Variants in PGBD5 observed in about 807,000 individuals in gnomAD.
PGBD5 encodes piggyBac transposable element derived 5, also known as piggyBac transposable element-derived protein 5.
PGBD5 carries 14 observed loss-of-function variants against 47.9 expected under a neutral mutation model. The observed-to-expected ratio is 0.29, with a 90% CI of 0.19 to 0.46. PGBD5 has a LOEUF of 0.46. PGBD5 is among the 20% of genes least tolerant of loss of function. PGBD5 has a pLI of 1.00. For missense variants in PGBD5, 635 were observed against 716.0 expected, an observed-to-expected ratio of 0.89 and a Z score of 1.29; for synonymous variants, 316 against 306.3, an observed-to-expected ratio of 1.03 and a Z score of -0.33.
chr1:230,412,219 A>G (rs1298563654), intron 1 of PGBD5, among the ~76,000 whole-genome samples: 1 of 152,220 alleles, frequency 6.6e-6, no homozygotes, highest in Non-Finnish European at 1.5e-5. Flanking sequence ...CCCTTGAACA[A>G]TGCAGGGGTT....
At chr1:230,382,072 G>C (rs1656515203) in intron 1 of PGBD5, among the ~76,000 whole-genome samples, 1 of 148,042 alleles carries the variant, frequency 6.8e-6, no homozygotes, top group Non-Finnish European at 1.5e-5. Context: ...TTGGACGTTA[G>C]TACTGTAAGC....
At chr1:230,393,233 G>A (rs1656834560) in intron 1 of PGBD5, among the ~76,000 whole-genome samples, 1 of 145,900 alleles carries the variant, frequency 6.9e-6, no homozygotes, top group African/African-American at 2.5e-5. Context: ...AGGAGAGGAG[G>A]AGGAAGGAAG....
chr1:230,361,848 C>T (rs1386409914), intron 1 of PGBD5, among the ~76,000 whole-genome samples: 1 of 152,198 alleles, frequency 6.6e-6, no homozygotes, highest in African/African-American at 2.4e-5. Flanking sequence ...CAAACCCAGG[C>T]CTCAGGGTAG....
chr1:230,323,533 C>T lies in PGBD5; in HGVS notation c.1467G>A (p.Leu489=), dbSNP rs373855701. The change falls in exon 7 of 7, where the codon CTG becomes CTA. Residue 489 remains leucine, a synonymous_variant. Coordinates refer to ENST00000391860, the MANE Select transcript of PGBD5 (RefSeq NM_001258311.2). This position sits in a 1 kb window ranked among gnomAD's most constrained non-coding sequence, Gnocchi z 4.1. ...ISIAINNAYI[L]YKMSDAYHVK... ...CGTGGTAGGCGTCTGACATTTTGTA[C>T]AGGATGTAGGCATTGTTGATGGCGA... 2 of 1,614,178 alleles carry T rather than the reference C, an allele frequency of 1.2e-6. No homozygotes were observed. Among genetic ancestry groups the T allele is most frequent in the South Asian group, 1.1e-5 (1 of 91,078 alleles).
chr1:230,325,575 C>A (rs1667102998), intron 5 of PGBD5, among the ~76,000 whole-genome samples, 160 bp from the exon 6 acceptor site: 1 of 152,138 alleles, frequency 6.6e-6, no homozygotes, highest in Non-Finnish European at 1.5e-5. Context: ...CAGCACCAAC[C>A]ACCAGGTGCT....
rs1424172298 is a variant in PGBD5 at position 230,315,989 on chromosome 1, C to T, written c.*7436G>A. On this transcript the variant is annotated 3_prime_UTR_variant, in exon 7 of 7. Coordinates refer to ENST00000391860, the MANE Select transcript of PGBD5 (RefSeq NM_001258311.2). ...GTGTACACATATATGTATGTGTATA[C>T]ATACATAAGTATATGTGTACACATA... is the stretch of plus-strand genomic sequence containing the variant. 12 of 136,180 alleles carry T rather than the reference C, an allele frequency of 8.8e-5. 2 individuals carry two copies. Among genetic ancestry groups the T allele is most frequent in the African/African-American group, 3.2e-4 (12 of 37,238 alleles). 8.4% of individuals were successfully genotyped at this position (136,180 alleles called of 1,614,324 possible).
intron 2 of PGBD5, among the ~76,000 whole-genome samples, chr1:230,353,809 G>A (rs1309598530): frequency 6.6e-6 from 1 of 152,208 alleles, no homozygotes; most frequent in African/African-American, 2.4e-5. Flanking sequence ...ATGTTCCAGG[G>A]TCCAACAGGG....
chr1:230,417,686 C>G (rs564896436), intron 1 of PGBD5, among the ~76,000 whole-genome samples: 65 of 152,310 alleles, frequency 4.3e-4, no homozygotes, highest in African/African-American at 1.4e-3. Context: ...TTCTCCAACC[C>G]AGCTGGAGGA....
intron 2 of PGBD5, among the ~76,000 whole-genome samples, chr1:230,355,242 C>T (rs11122497): frequency 0.07 from 10,687 of 152,264 alleles, 1,251 homozygotes; most frequent in African/African-American, 0.24. Context: ...AGCAATGCTG[C>T]TGGGCCTCCC....
At position 230,335,778 on chromosome 1, in the gene PGBD5, C is replaced by CACACACAG. The variant is rs1553282077; in HGVS notation, c.1075+1329_1075+1330insCTGTGTGT. ...ACAGATACACAGATACAGACAGACA[C>CACACACAG]ACACACACACACAGGCACAAAGACA... On this transcript the variant is annotated intron_variant, in intron 4 of 6. Coordinates refer to ENST00000391860, the MANE Select transcript of PGBD5 (RefSeq NM_001258311.2). Among the ~76,000 whole-genome samples the CACACACAG allele has an allele frequency of 4.8e-5, 5 of 103,166 alleles. 1 individual carries two copies. Among genetic ancestry groups the CACACACAG allele is most frequent in the South Asian group, 4.2e-4 (1 of 2,390 alleles). The allele number at this position is 103,166 out of a possible 152,430, so 67.7% of individuals were successfully genotyped here.
At chr1:230,421,758 T>C (rs1362860289) in intron 1 of PGBD5, among the ~76,000 whole-genome samples, 1 of 152,162 alleles carries the variant, frequency 6.6e-6, no homozygotes, top group Non-Finnish European at 1.5e-5. Context: ...CCTAAGATTA[T>C]CTTGCAGCTC....
chr1:230,387,815 A>T (rs1656681993), intron 1 of PGBD5, among the ~76,000 whole-genome samples: 1 of 152,146 alleles, frequency 6.6e-6, no homozygotes. Flanking sequence ...CGGGCCTGCA[A>T]TTGCATTCCA....
At chr1:230,381,775 C>T (rs984358456) in intron 1 of PGBD5, among the ~76,000 whole-genome samples, 5 of 152,170 alleles carry the variant, frequency 3.3e-5, no homozygotes, top group Non-Finnish European at 5.9e-5. Context: ...CACAGCTGGG[C>T]ATCCGGGACA....
At chr1:230,374,240 A>G (rs1304926568) in intron 1 of PGBD5, among the ~76,000 whole-genome samples, 3 of 152,104 alleles carry the variant, frequency 2.0e-5, no homozygotes, top group African/African-American at 4.8e-5. Context: ...AACACGGTGA[A>G]ACCCTGTCTC....
chr1:230,424,595 T>A (rs547698786), intron 1 of PGBD5, among the ~76,000 whole-genome samples: 1 of 152,252 alleles, frequency 6.6e-6, no homozygotes, highest in South Asian at 2.1e-4. Flanking sequence ...GGTTGAACAA[T>A]AATCAGAGAA....
At chr1:230,418,689 T>G (rs1045195816) in intron 1 of PGBD5, among the ~76,000 whole-genome samples, 4 of 152,170 alleles carry the variant, frequency 2.6e-5, no homozygotes, top group African/African-American at 9.7e-5. Flanking sequence ...GGGCTCTCTT[T>G]GTGTTTCCCA....
chr1:230,359,725 AGGT>A (rs1667713943), intron 1 of PGBD5, among the ~76,000 whole-genome samples: 1 of 152,226 alleles, frequency 6.6e-6, no homozygotes, highest in Non-Finnish European at 1.5e-5. Flanking sequence ...GCCCTAAGGG[AGGT>A]TCCTGAGGCT....
chr1:230,381,393 C>A (rs1447780416), intron 1 of PGBD5, among the ~76,000 whole-genome samples: 1 of 152,236 alleles, frequency 6.6e-6, no homozygotes, highest in East Asian at 1.9e-4. Context: ...GAGCAGCCTC[C>A]TTCCCAGATG....
At chr1:230,324,377 A>G (rs892087455) in intron 6 of PGBD5, among the ~76,000 whole-genome samples, 1 of 152,252 alleles carries the variant, frequency 6.6e-6, no homozygotes, top group Non-Finnish European at 1.5e-5. Flanking sequence ...GTAGGTGCTC[A>G]GTGAACTGAA....
Sources: allele counts gnomAD v4.1 joint callset (sites outside exome capture counted in the v4.1 genomes callset), GRCh38; gene constraint gnomAD v4.1.1; non-coding constraint Gnocchi (gnomAD v3.1); transcripts MANE v1.5; gene names NCBI Gene and HGNC (gene_info 2026-07-23, HGNC 2026-07-21).